DCAF1: variants seen among roughly 807,000 people sequenced by gnomAD.
The protein encoded by DCAF1 is DDB1 and CUL4 associated factor 1.
DCAF1 carries 15 observed loss-of-function variants against 128.0 expected under a neutral mutation model. That is an observed-to-expected ratio of 0.12 (90% CI 0.08 to 0.18). The LOEUF (loss-of-function observed/expected upper bound fraction) is 0.18. DCAF1 is among the 10% of genes least tolerant of loss of function. DCAF1 has a pLI of 1.00. For synonymous variants in DCAF1, 610 were observed against 603.0 expected (o/e 1.01, Z -0.17); for missense variants, 988 against 1,649.5 (o/e 0.60, Z 6.95).
At chr3:51,456,939 T>C (rs1188560201) in intron 6 of DCAF1, among the ~76,000 whole-genome samples, 1 of 151,818 alleles carries the variant, frequency 6.6e-6, no homozygotes, top group African/African-American at 2.4e-5. Context: ...AAACGAAAGG[T>C]AGCTACAACC....
intron 6 of DCAF1, among the ~76,000 whole-genome samples, chr3:51,451,108 T>A (rs1702312101): frequency 8.3e-6 from 1 of 120,348 alleles, no homozygotes; most frequent in East Asian, 3.1e-4. Flanking sequence ...TTTTTTTTAG[T>A]GACAAGGTCT....
intron 1 of DCAF1, among the ~76,000 whole-genome samples, chr3:51,499,012 C>T (rs1327509800): frequency 6.6e-6 from 1 of 152,086 alleles, no homozygotes; most frequent in Non-Finnish European, 1.5e-5. Flanking sequence ...TAAGGAAAAA[C>T]CAAGACCAAC....
At chr3:51,505,283 A>G in the DCAF1 span, among the ~76,000 whole-genome samples, 4 of 151,820 alleles carry the variant, frequency 2.6e-5, no homozygotes, top group Non-Finnish European at 5.9e-5. Flanking sequence ...TAATAATAAA[A>G]ATAAAATTAA....
At chr3:51,443,047 T>C (rs1436285281) in intron 7 of DCAF1, among the ~76,000 whole-genome samples, 1 of 151,668 alleles carries the variant, frequency 6.6e-6, no homozygotes, top group African/African-American at 2.4e-5. Flanking sequence ...AACGTGCACA[T>C]CCTGCAGAAG....
rs781803563 is a variant in DCAF1, at chr3:51,471,021, C to G, written c.111-16G>C. On this transcript the variant is annotated splice_polypyrimidine_tract_variant and intron_variant, in intron 3 of 24. Transcript: ENST00000684031. ...TTGAGACATCCTAGCACAAAGGAAACAAGGGGTCAACTCTGGACAAGCATA... is the reference window on the plus strand; with the variant it reads ...TTGAGACATCCTAGCACAAAGGAAAGAAGGGGTCAACTCTGGACAAGCATA... The G allele has an allele frequency of 2.5e-6, 4 of 1,576,364 alleles. No individual in the cohort carries two copies. The Admixed American group carries it at 5.1e-5, about 20-fold the overall frequency.
chr3:51,462,356 T>C (rs546054238), intron 6 of DCAF1, among the ~76,000 whole-genome samples: 3 of 152,008 alleles, frequency 2.0e-5, no homozygotes, highest in Non-Finnish European at 4.4e-5. Context: ...CAGGAGGAAG[T>C]TGCAGTGAGC....
intron 18 of DCAF1, 82 bp downstream of exon 18, chr3:51,416,705 G>C: frequency 1.3e-6 from 2 of 1,535,548 alleles, no homozygotes; most frequent in Non-Finnish European, 1.8e-6. Flanking sequence ...AAAGGACTTA[G>C]GTCCTCACAT....
upstream of DCAF1, among the ~76,000 whole-genome samples, chr3:51,500,860 G>A (rs1376905019): frequency 7.1e-6 from 1 of 140,920 alleles, no homozygotes; most frequent in Non-Finnish European, 1.5e-5. Flanking sequence ...CATCCACGCT[G>A]GAGTGCAGTG....
intron 24 of DCAF1, among the ~76,000 whole-genome samples, chr3:51,401,888 A>G (rs1197404863): frequency 1.3e-5 from 2 of 152,216 alleles, no homozygotes; most frequent in African/African-American, 4.8e-5. Flanking sequence ...TACTCCACTG[A>G]ATCACCTCAG....
chr3:51,434,171 G>A, intron 9 of DCAF1, among the ~76,000 whole-genome samples: 1 of 152,216 alleles, frequency 6.6e-6, no homozygotes, highest in Non-Finnish European at 1.5e-5. Flanking sequence ...AGAGGCCAAG[G>A]TGAAAAGACT....
chr3:51,454,972 C>T (rs1306930662), intron 6 of DCAF1, among the ~76,000 whole-genome samples: 4 of 152,122 alleles, frequency 2.6e-5, no homozygotes, highest in African/African-American at 7.2e-5. Flanking sequence ...CACGCCCGGC[C>T]TACCCAGCCC....
chr3:51,475,812 G>C (rs934427181), intron 3 of DCAF1, among the ~76,000 whole-genome samples: 4 of 151,976 alleles, frequency 2.6e-5, no homozygotes, highest in African/African-American at 7.2e-5. Flanking sequence ...AGTGAGCCGA[G>C]ATTGCGCCAT....
chr3:51,415,066 A>G (rs544561685), intron 18 of DCAF1, among the ~76,000 whole-genome samples: 7 of 152,000 alleles, frequency 4.6e-5, no homozygotes, highest in South Asian at 2.1e-4. Context: ...TCGGGGTTCC[A>G]TTCTGCCTTA....
chr3:51,468,015 G>C (rs1172192490), intron 4 of DCAF1, among the ~76,000 whole-genome samples: 3 of 152,190 alleles, frequency 2.0e-5, no homozygotes, highest in Admixed American at 2.0e-4. Flanking sequence ...GGTGACGGGG[G>C]TGAATTCCAC....
intron 1 of DCAF1, among the ~76,000 whole-genome samples, 44 bp from the exon 2 acceptor site, chr3:51,496,824 T>C (rs577145832): frequency 6.6e-5 from 10 of 152,262 alleles, no homozygotes; most frequent in African/African-American, 2.2e-4. Context: ...AATGACAATA[T>C]TGTCCCCATG....
intron 5 of DCAF1, among the ~76,000 whole-genome samples, chr3:51,464,550 G>T (rs552006006): frequency 4.1e-4 from 63 of 152,088 alleles, no homozygotes; most frequent in Middle Eastern, 3.4e-3. Context: ...CAAAAAATTT[G>T]CCAGGCATGG....
intron 3 of DCAF1, among the ~76,000 whole-genome samples, chr3:51,481,116 T>C (rs1553652677): frequency 6.6e-6 from 1 of 152,178 alleles, no homozygotes; most frequent in Admixed American, 6.6e-5. Flanking sequence ...AAAACAACTT[T>C]TTATGCATTG....
intron 24 of DCAF1, 112 bp from the exon 25 acceptor site, chr3:51,398,939 G>T (rs377677804): frequency 8.4e-5 from 113 of 1,348,786 alleles, no homozygotes; most frequent in Admixed American, 1.3e-4. Context: ...TTAACTACCA[G>T]TTTCCAGAAA....
intron 13 of DCAF1, among the ~76,000 whole-genome samples, chr3:51,426,693 T>C (rs1699938069): frequency 6.6e-6 from 1 of 152,176 alleles, no homozygotes; most frequent in African/African-American, 2.4e-5. Flanking sequence ...AATGCTGGGA[T>C]TTAACAAACT....
Sources: gnomAD v4.1 joint callset for allele counts (sites outside exome capture counted in the v4.1 genomes callset) on GRCh38, gnomAD v4.1.1 for gene constraint, MANE v1.5 for transcripts, NCBI Gene and HGNC (gene_info 2026-07-23, HGNC 2026-07-21) for gene names.